The following NUBPL variants were observed in gnomAD, a reference collection of about 807,000 sequenced individuals.
NUBPL encodes iron-sulfur cluster transfer protein NUBPL.
NUBPL carries 31 observed loss-of-function variants against 45.7 expected under a neutral mutation model. The observed-to-expected ratio is 0.68, with a 90% CI of 0.51 to 0.92. The LOEUF (loss-of-function observed/expected upper bound fraction) is 0.92, where lower values mean the gene tolerates loss of function less well. Among genes scored for constraint, NUBPL ranks in the 40% least tolerant of loss-of-function variants. NUBPL has a pLI of 0.00. For missense variants in NUBPL, 401 were observed against 398.7 expected (o/e 1.01, Z -0.05); for synonymous variants, 144 against 140.9 (o/e 1.02, Z -0.15).
chr14:31,773,030 C>T (rs1367254439), intron 6 of NUBPL, among the ~76,000 whole-genome samples: 2 of 152,138 alleles, frequency 1.3e-5, no homozygotes, highest in Non-Finnish European at 2.9e-5. Flanking sequence ...CTTACCTGAA[C>T]AATCTCAAGG....
chr14:31,648,451 GC>G (rs1354927483), intron 4 of NUBPL, among the ~76,000 whole-genome samples: 5 of 152,160 alleles, frequency 3.3e-5, no homozygotes, highest in African/African-American at 1.2e-4. Context: ...ATCTTGGTAA[GC>G]ATACTACCTA....
intron 6 of NUBPL, among the ~76,000 whole-genome samples, chr14:31,737,699 G>T (rs1790705332): frequency 1.3e-5 from 2 of 152,130 alleles, no homozygotes; most frequent in African/African-American, 4.8e-5. Context: ...CACAAGAATC[G>T]CTTGCACCTG....
At chr14:31,569,842 C>A (rs1219193490) in intron 3 of NUBPL, among the ~76,000 whole-genome samples, 2 of 152,180 alleles carry the variant, frequency 1.3e-5, no homozygotes, top group Admixed American at 1.3e-4. Context: ...CTTAATGGTA[C>A]CCACTGATCT....
intron 2 of NUBPL, among the ~76,000 whole-genome samples, chr14:31,562,601 TTTG>T (rs1359222182): frequency 1.7e-4 from 21 of 125,194 alleles, no homozygotes; most frequent in East Asian, 1.6e-3. Flanking sequence ...ACTTTTTTTT[TTTG>T]TTTTTTTTTT....
chr14:31,703,365 A>T (rs1179145312), intron 6 of NUBPL, among the ~76,000 whole-genome samples: 1 of 152,220 alleles, frequency 6.6e-6, no homozygotes, highest in Non-Finnish European at 1.5e-5. Context: ...ACACATGCCC[A>T]TCTGAGGCTT....
chr14:31,626,214 G>C (rs2035202441), intron 4 of NUBPL, among the ~76,000 whole-genome samples: 1 of 151,938 alleles, frequency 6.6e-6, no homozygotes, highest in Non-Finnish European at 1.5e-5. Context: ...CTGGAGTGCA[G>C]TGGTGTGATC....
At chr14:31,760,792 C>T (rs1380405157) in intron 6 of NUBPL, among the ~76,000 whole-genome samples, 1 of 152,006 alleles carries the variant, frequency 6.6e-6, no homozygotes, top group South Asian at 2.1e-4. Flanking sequence ...ACAGTATTGC[C>T]TATTTACCAG....
intron 6 of NUBPL, among the ~76,000 whole-genome samples, chr14:31,719,122 C>G (rs1475159328): frequency 6.6e-6 from 1 of 152,142 alleles, no homozygotes; most frequent in Non-Finnish European, 1.5e-5. Context: ...GTGCTGGCAA[C>G]ACAGCACACT....
chr14:31,841,917 C>CTTTTGTTTTTGT, intron 8 of NUBPL, among the ~76,000 whole-genome samples: 477 of 43,034 alleles, frequency 0.011, 100 homozygotes, highest in Middle Eastern at 0.062. Context: ...CGATTCTGGG[C>CTTTTGTTTTTGT]TTTTTTTTTT....
At chr14:31,676,190 A>G (rs2036692592) in intron 6 of NUBPL, among the ~76,000 whole-genome samples, 1 of 151,962 alleles carries the variant, frequency 6.6e-6, no homozygotes, top group East Asian at 1.9e-4. Flanking sequence ...CGCCTGGCTA[A>G]TTTTGTATTT....
At chr14:31,798,503 C>T (rs1046605584) in intron 7 of NUBPL, among the ~76,000 whole-genome samples, 5 of 150,668 alleles carry the variant, frequency 3.3e-5, no homozygotes, top group Non-Finnish European at 7.4e-5. Flanking sequence ...TAGAAATTAT[C>T]TTATTTATGC....
intron 7 of NUBPL, among the ~76,000 whole-genome samples, chr14:31,809,061 TATTGGTCTAAA>T (rs1355235312): frequency 7.0e-6 from 1 of 143,760 alleles, no homozygotes; most frequent in Non-Finnish European, 1.6e-5. Context: ...TCATCAGGGA[TATTGGTCTAAA>T]ATTCTCTTTT....
rs1021799973 is a variant in NUBPL at position 31,749,513 on chromosome 14, G to T, written c.514-38267G>T. Among the ~76,000 whole-genome samples, 4 of 152,128 alleles carry T rather than the reference G, an allele frequency of 2.6e-5. No homozygotes were observed. The South Asian group carries it at 8.3e-4, about 31-fold the overall frequency. On this transcript the variant is annotated intron_variant, in intron 6 of 10. Transcript: ENST00000281081. Reference sequence around the variant, plus strand: ...TTTATTTTGTTTTCACAGTTTAGATGTATCATCCTATTCTCTTCTGGTGGG... The same window carrying T: ...TTTATTTTGTTTTCACAGTTTAGATTTATCATCCTATTCTCTTCTGGTGGG...
chr14:31,746,357 C>T (rs772432899), intron 6 of NUBPL, among the ~76,000 whole-genome samples: 1 of 151,968 alleles, frequency 6.6e-6, no homozygotes, highest in Non-Finnish European at 1.5e-5. Context: ...TGTTTAGATA[C>T]ATACTTTCTG....
chr14:31,764,528 A>G (rs76233495), intron 6 of NUBPL, among the ~76,000 whole-genome samples: 13,031 of 152,226 alleles, frequency 0.086, 672 homozygotes, highest in African/African-American at 0.15. Context: ...TTACATATGC[A>G]TATTAATGTG....
chr14:31,599,475 T>C, intron 4 of NUBPL, 96 bp downstream of exon 4: 1 of 858,200 alleles, frequency 1.2e-6, no homozygotes, highest in Non-Finnish European at 1.9e-6. Context: ...GTATATTTTA[T>C]GCACAATGTA....
chr14:31,657,201 G>A (rs1032814842), intron 4 of NUBPL, among the ~76,000 whole-genome samples: 2 of 152,070 alleles, frequency 1.3e-5, no homozygotes, highest in Non-Finnish European at 2.9e-5. Context: ...TTACCTGTGT[G>A]GGCAGCCTCC....
At chr14:31,798,588 CG>C (rs1368323210) in intron 7 of NUBPL, among the ~76,000 whole-genome samples, 78 of 151,148 alleles carry the variant, frequency 5.2e-4, no homozygotes, top group Non-Finnish European at 1.0e-4. Flanking sequence ...GTCGGGAGAA[CG>C]AGACCATCCT....
At chr14:31,663,944 G>A (rs1452936775) in intron 4 of NUBPL, among the ~76,000 whole-genome samples, 1 of 152,082 alleles carries the variant, frequency 6.6e-6, no homozygotes, top group Non-Finnish European at 1.5e-5. Context: ...CCTTGAAGAG[G>A]TCCTTCACGT....
Sources: gnomAD v4.1 joint callset for allele counts (sites outside exome capture counted in the v4.1 genomes callset) on GRCh38, gnomAD v4.1.1 for gene constraint, MANE v1.5 for transcripts, NCBI Gene and HGNC (gene_info 2026-07-23, HGNC 2026-07-21) for gene names.